PPFIA4: variants seen among roughly 807,000 people sequenced by gnomAD.
The protein encoded by PPFIA4 is PPFI scaffold protein A4.
PPFIA4 carries 98 observed loss-of-function variants against 145.7 expected under a neutral mutation model. The observed-to-expected ratio is 0.67, with a 90% confidence interval of 0.57 to 0.80. The LOEUF is 0.80. Among genes scored for constraint, PPFIA4 ranks in the 30% least tolerant of loss-of-function variants. The probability of loss-of-function intolerance (pLI) is 0.00; values close to 1 mark genes in which losing one functional copy is unlikely to be tolerated. For synonymous variants in PPFIA4, 628 were observed against 649.6 expected, an observed-to-expected ratio of 0.97 and a Z score of 0.51; for missense variants, 1,457 against 1,632.7, an observed-to-expected ratio of 0.89 and a Z score of 1.85.
chr1:203,067,424 G>A, intron 25 of PPFIA4: 1 of 431,604 alleles, frequency 2.3e-6, no homozygotes, highest in Non-Finnish European at 4.2e-6. Context: ...GGGACATGTT[G>A]GATTCATTCA....
Position 203,048,435 on chromosome 1 carries a change from G to A in PPFIA4, c.1224+125G>A. On this transcript the variant is annotated intron_variant, in intron 10 of 29. Coordinates refer to ENST00000295706, the MANE Select transcript of PPFIA4 (RefSeq NM_001304331.2). This position sits in a 1 kb window ranked among gnomAD's most constrained non-coding sequence, Gnocchi z 5.8. ...ACACAGCCACAGAGAGTGGGAGGAG[G>A]CTGGCAGGTGAAGGGGGAGGTGGTC... The A allele has an allele frequency of 6.8e-7, 1 of 1,462,466 alleles. No individual in the cohort carries two copies. Among genetic ancestry groups the A allele is most frequent in the Non-Finnish European group, 9.3e-7 (1 of 1,070,638 alleles). The allele number at this position is 1,462,466 out of a possible 1,614,324, so 90.6% of individuals were successfully genotyped here. A position where few individuals can be genotyped will look rare whatever the true frequency, so the allele number is the denominator to read the frequency against.
Position 203,076,430 on chromosome 1 carries a change from C to T in PPFIA4, c.*40C>T, listed in dbSNP as rs1203342079. 2 of 1,583,316 alleles carry T rather than the reference C, an allele frequency of 1.3e-6. No individual in the cohort carries two copies. The highest frequency in any genetic ancestry group is 2.2e-5 in the East Asian group (1 of 44,770). On this transcript the variant is annotated 3_prime_UTR_variant, in exon 30 of 30. Transcript: ENST00000295706. Reference sequence around the variant, plus strand: ...GCTGGCTTCCTCCTTCTGGGTTTCACAGGCTCCTCTGGCCCTGACCCCTCT... The same window carrying T: ...GCTGGCTTCCTCCTTCTGGGTTTCATAGGCTCCTCTGGCCCTGACCCCTCT...
chr1:203,061,250 G>A (rs557443793), intron 23 of PPFIA4: 3 of 591,268 alleles, frequency 5.1e-6, no homozygotes, highest in East Asian at 2.9e-5. Context: ...CTTCCCAGGA[G>A]GTCACAAGCT....
chr1:203,039,300 ATCCACT>A, intron 2 of PPFIA4, 58 bp downstream of exon 2: 1 of 1,317,410 alleles, frequency 7.6e-7, no homozygotes, highest in Non-Finnish European at 1.0e-6. Flanking sequence ...GCCCTGCTAG[ATCCACT>A]GGGCCCTCAG....
At chr1:203,062,910 G>T (rs11579558) in intron 24 of PPFIA4, 71,787 of 152,078 alleles carry the variant, frequency 0.47, 17,855 homozygotes, top group South Asian at 0.55. Flanking sequence ...CTGACAGCGA[G>T]CATCAGTGTG....
At chr1:203,052,675 C>T (rs1020253212) in intron 14 of PPFIA4, among the ~76,000 whole-genome samples, 8 of 152,168 alleles carry the variant, frequency 5.3e-5, no homozygotes, top group African/African-American at 1.9e-4. Flanking sequence ...CTGCAGGAGC[C>T]TGAAGGGGAG....
intron 1 of PPFIA4, among the ~76,000 whole-genome samples, chr1:203,029,247 G>A (rs1190989478): frequency 6.6e-6 from 1 of 152,182 alleles, no homozygotes; most frequent in Non-Finnish European, 1.5e-5. Flanking sequence ...CTGCAACCTC[G>A]GGGCCTCCTT....
chr1:203,029,072 G>A (rs1033864947), intron 1 of PPFIA4, among the ~76,000 whole-genome samples: 5 of 152,124 alleles, frequency 3.3e-5, no homozygotes, highest in African/African-American at 1.2e-4. Flanking sequence ...CAGGGCTGGT[G>A]GGGGAAACAG....
At position 203,059,765 on chromosome 1, in the gene PPFIA4, A is replaced by T; in HGVS notation, c.2502-5A>T. ...TAGTGAGTCTGTTGTTCCTCTTCCTATAAGACACCAGCTGCTTGAAGATGC... is the reference window on the plus strand; with the variant it reads ...TAGTGAGTCTGTTGTTCCTCTTCCTTTAAGACACCAGCTGCTTGAAGATGC... On this transcript the variant is annotated splice_region_variant and splice_polypyrimidine_tract_variant and intron_variant, in intron 20 of 29. Coordinates refer to ENST00000295706, the MANE Select transcript of PPFIA4 (RefSeq NM_001304331.2). The T allele has an allele frequency of 6.2e-7, 1 of 1,612,766 alleles. No individual in the cohort carries two copies. Among genetic ancestry groups the T allele is most frequent in the Non-Finnish European group, 8.5e-7 (1 of 1,179,168 alleles).
At chr1:203,051,740 G>A (rs139391435) in intron 13 of PPFIA4, 29 bp from the exon 14 acceptor site, 77 of 1,589,498 alleles carry the variant, frequency 4.8e-5, no homozygotes, top group Middle Eastern at 3.3e-4. Flanking sequence ...CTCAGGGCCT[G>A]TCTTTTCTCT....
intron 1 of PPFIA4, among the ~76,000 whole-genome samples, chr1:203,035,801 G>A (rs1323012152): frequency 2.3e-5 from 3 of 128,350 alleles, no homozygotes; most frequent in Non-Finnish European, 5.4e-5. Context: ...CTGTTTCTGT[G>A]TAGCAGAGAG....
In PPFIA4 at chr1:203,068,627, A is replaced by G; in HGVS notation, c.3323A>G (p.Gln1108Arg). ...LILQIPTQNT[Q>R]ARQVMEREFN... ...CTCCAGATCCCCACACAGAACACCC[A>G]GGTGGGCAGCCTTTTAATCAGTCAA... Residue 1108 changes from glutamine to arginine, a missense_variant and splice_region_variant, in exon 27 of 30, where the codon CAG becomes CGG. By Grantham distance (43) the Gln-to-Arg change is conservative (BLOSUM62 1). Around this residue, in one of 3 missense-constraint regions of PPFIA4, gnomAD observed 848 missense variants for 1,046.7 expected, o/e 0.81. Transcript: ENST00000295706. This position sits in a 1 kb window ranked among gnomAD's most constrained non-coding sequence, Gnocchi z 4.7. The G allele has an allele frequency of 6.6e-7, 1 of 1,517,258 alleles. No homozygotes were observed. The highest frequency in any genetic ancestry group is 1.4e-5 in the African/African-American group (1 of 70,254). The allele number at this position is 1,517,258 out of a possible 1,614,324, so 94.0% of individuals were successfully genotyped here.
chr1:203,051,772 G>T lies in PPFIA4; in HGVS notation c.1515G>T (p.Ser505=). 2 of 1,611,486 alleles carry T rather than the reference G, an allele frequency of 1.2e-6. No individual in the cohort carries two copies. The highest frequency in any genetic ancestry group is 2.2e-5 in the South Asian group (2 of 90,392). Residue 505 remains serine (S), a synonymous_variant, in exon 14 of 30, where the codon TCG becomes TCT. Transcript: ENST00000295706. The part of the protein sequence containing the change: ...GPFVDGVHSR[S]HMGSAADVRF... The stretch of plus-strand genomic sequence containing the variant: ...CTCTCCCCCATCACCGCTCAAGGTC[G>T]CACATGGGCAGTGCAGCAGACGTGC...
At chr1:203,061,439 T>TTTTTGCCACACACACATTTGCCC (rs369026518) in intron 23 of PPFIA4, 156 of 530,582 alleles carry the variant, frequency 2.9e-4, no homozygotes, top group African/African-American at 2.9e-3. Flanking sequence ...GAGGTGTGTG[T>TTTTTGCCACACACACATTTGCCC]TTTTGCCACA....
At chr1:203,056,578 C>A in intron 18 of PPFIA4, 70 bp downstream of exon 18, 1 of 1,550,646 alleles carries the variant, frequency 6.4e-7, no homozygotes, top group Non-Finnish European at 8.7e-7. Context: ...TCTGCCTCTG[C>A]AGGGACCGCA....
At chr1:203,069,765 C>CCT in intron 27 of PPFIA4, among the ~76,000 whole-genome samples, 1 of 130,518 alleles carries the variant, frequency 7.7e-6, no homozygotes, top group Non-Finnish European at 1.6e-5. Flanking sequence ...ACCCCCCCGC[C>CCT]CCGCCCCCAC....
At chr1:203,057,002 G>T (rs146183682) in intron 19 of PPFIA4, 52 bp downstream of exon 19, 25 of 1,604,022 alleles carry the variant, frequency 1.6e-5, no homozygotes, top group Non-Finnish European at 2.0e-5. Context: ...GGCATCAGAA[G>T]CAGGAAGGTG....
In PPFIA4 at chr1:203,048,134, C is replaced by T; in HGVS notation, c.1141-93C>T. 2 of 1,237,400 alleles carry T rather than the reference C, an allele frequency of 1.6e-6. No homozygotes were observed. The highest frequency in any genetic ancestry group is 2.3e-6 in the Non-Finnish European group (2 of 858,506). The allele number at this position is 1,237,400 out of a possible 1,614,324, so 76.7% of individuals were successfully genotyped here. A position where few individuals can be genotyped will look rare whatever the true frequency, so the allele number is the denominator to read the frequency against. ...CACTGGTACTGGGGGCCATGATCCC[C>T]AGGGCCACCCTGGCACCAGGGTGCA... On this transcript the variant is annotated intron_variant, in intron 9 of 29. Transcript: ENST00000295706. This position sits in a 1 kb window ranked among gnomAD's most constrained non-coding sequence, Gnocchi z 5.8.
intron 5 of PPFIA4, 79 bp from the exon 6 acceptor site, chr1:203,044,617 C>T (rs1659933237): frequency 2.1e-6 from 3 of 1,435,718 alleles, no homozygotes; most frequent in Admixed American, 4.6e-5. Flanking sequence ...TTAACTAAGA[C>T]AGGGGCTTTG....
Sources: allele counts gnomAD v4.1 joint callset (sites outside exome capture counted in the v4.1 genomes callset), GRCh38; gene constraint gnomAD v4.1.1; regional missense constraint gnomAD v4.1.1; non-coding constraint Gnocchi (gnomAD v3.1); transcripts MANE v1.5; gene names NCBI Gene and HGNC (gene_info 2026-07-23, HGNC 2026-07-21).